The following MAX variants were observed in gnomAD, a reference collection of about 807,000 sequenced individuals.
The protein encoded by MAX is MYC associated transcriptional regulator X.
MAX carries 3 observed loss-of-function variants against 22.3 expected under a neutral mutation model. The observed-to-expected ratio is 0.13, with a 90% CI of 0.06 to 0.35. MAX has a LOEUF of 0.35. Ranked by LOEUF, MAX falls within the 10% of genes least tolerant of loss-of-function variation. MAX has a pLI of 1.00. For synonymous variants in MAX, 72 were observed against 77.7 expected (o/e 0.93, Z 0.39); for missense variants, 119 against 209.4 (o/e 0.57, Z 2.66).
chr14:65,027,385 A>G lies in MAX; in HGVS notation c.172-21101T>C, dbSNP rs1350762141. On this transcript the variant is annotated intron_variant, in intron 3 of 3. Transcript: ENST00000341653. This position sits in a 1 kb window ranked among gnomAD's most constrained non-coding sequence, Gnocchi z 5.7. ...GGATCATTGGAAAGGCCTGGAATCT[A>G]GTGGGAATTTGGTGTTTTGACATGA... 1 of 1,589,620 alleles carries G rather than the reference A, an allele frequency of 6.3e-7. No homozygotes were observed. Among genetic ancestry groups the G allele is most frequent in the East Asian group, 2.2e-5 (1 of 44,664 alleles).
rs1215885026 is a variant in MAX, at chr14:65,076,824, C to A, written c.296-161G>T. ...CTCCCTTCGGGTGGCTGTTCACTCA[C>A]ACACTTCATTTCCCTCCCGCCTTTC... On this transcript the variant is annotated intron_variant, in intron 4 of 4. Transcript: ENST00000358664. This position sits in a 1 kb window ranked among gnomAD's most constrained non-coding sequence, Gnocchi z 6.6. 5.2e-6 allele frequency: 4 copies of A among 764,114 alleles called. No homozygotes were observed. The African/African-American group carries it at 6.9e-5, about 13-fold the overall frequency. 47.3% of individuals were successfully genotyped at this position (764,114 alleles called of 1,614,324 possible). A position where few individuals can be genotyped will look rare whatever the true frequency, so the allele number is the denominator to read the frequency against.
At position 65,032,626 on chromosome 14, in the gene MAX, G is replaced by T; in HGVS notation, c.172-26342C>A. On this transcript the variant is annotated intron_variant, in intron 3 of 3. Transcript: ENST00000341653. This position sits in a 1 kb window ranked among gnomAD's most constrained non-coding sequence, Gnocchi z 5.0. ...TCTTTCCAGAAGCGCATACTGTGCT[G>T]CCTCCGTAGCCTCGCTGACCAACAT... 6.8e-6 allele frequency: 11 copies of T among 1,613,886 alleles called. No individual in the cohort carries two copies. The highest frequency in any genetic ancestry group is 9.3e-6 in the Non-Finnish European group (11 of 1,180,022).
chr14:65,036,186 A>G (rs2062188030), intron 3 of MAX, among the ~76,000 whole-genome samples: 1 of 152,136 alleles, frequency 6.6e-6, no homozygotes, highest in South Asian at 2.1e-4. Flanking sequence ...GCTCTGTGTC[A>G]TAGTTTCCTT....
chr14:65,096,788 G>C (rs1044190402), intron 2 of MAX, among the ~76,000 whole-genome samples: 1 of 152,160 alleles, frequency 6.6e-6, no homozygotes, highest in Admixed American at 6.5e-5. Flanking sequence ...ATGATGTTCA[G>C]TAATGAAAAC....
chr14:65,101,817 G>C, intron 1 of MAX: 1 of 572,380 alleles, frequency 1.7e-6, no homozygotes, highest in South Asian at 2.1e-5. Context: ...GAGGGGTCCC[G>C]AGCACTGTCT....
rs535034058 is a variant in MAX at position 65,083,373 on chromosome 14, A to G, written c.172-5337T>C. Among the ~76,000 whole-genome samples the G allele has an allele frequency of 9.8e-5, 15 of 152,374 alleles. No individual in the cohort carries two copies. In the East Asian group the frequency reaches 2.7e-3, roughly 27 times the overall value. ...GCACTGATGCTTCAGACGAAGTCCAAGGTTATTAAATCTCATTTAAAGCAA... is the reference window on the plus strand; with the variant it reads ...GCACTGATGCTTCAGACGAAGTCCAGGGTTATTAAATCTCATTTAAAGCAA... On this transcript the variant is annotated intron_variant, in intron 3 of 4. Transcript: ENST00000358664.
chr14:65,067,922 C>T (rs1267874905), intron 3 of MAX, among the ~76,000 whole-genome samples: 7 of 151,900 alleles, frequency 4.6e-5, no homozygotes, highest in Admixed American at 6.6e-5. Context: ...CATGAGCCAC[C>T]GTGCCCAGAC....
At position 65,027,510 on chromosome 14, in the gene MAX, CG is replaced by C; in HGVS notation, c.172-21227del. Reference sequence around the variant, plus strand: ...CAGAAGGTGGCTTTGGAGGAGGACCCGGTCAGTATCCACACCTTGCACCCAC... The same window carrying C: ...CAGAAGGTGGCTTTGGAGGAGGACCCGTCAGTATCCACACCTTGCACCCAC... On this transcript the variant is annotated intron_variant, in intron 3 of 3. Coordinates refer to the MAX transcript ENST00000341653. The surrounding 1 kb of genome is among the most constrained non-coding windows in gnomAD (Gnocchi z 5.7). The C allele has an allele frequency of 1.9e-6, 3 of 1,614,142 alleles. No homozygotes were observed. The highest frequency in any genetic ancestry group is 2.5e-6 in the Non-Finnish European group (3 of 1,180,032).
chr14:65,076,796 T>G lies in MAX; in HGVS notation c.296-133A>C. 2 of 1,014,134 alleles carry G rather than the reference T, an allele frequency of 2.0e-6. No individual in the cohort carries two copies. Among genetic ancestry groups the G allele is most frequent in the South Asian group, 1.3e-5 (1 of 76,436 alleles). 62.8% of individuals were successfully genotyped at this position (1,014,134 alleles called of 1,614,324 possible). A position where few individuals can be genotyped will look rare whatever the true frequency, so the allele number is the denominator to read the frequency against. On this transcript the variant is annotated intron_variant, in intron 4 of 4. Transcript: ENST00000358664. The surrounding 1 kb of genome is among the most constrained non-coding windows in gnomAD (Gnocchi z 6.6). ...CCCCGAGGCTCAAGATGCTCAGAAG[T>G]AGCTCCCTTCGGGTGGCTGTTCACT...
Position 65,061,291 on chromosome 14 carries a change from G to A in MAX, c.171+32417C>T, listed in dbSNP as rs1181202855. The A allele has an allele frequency of 2.5e-6, 4 of 1,613,930 alleles. No homozygotes were observed. The South Asian group carries it at 3.3e-5, about 13-fold the overall frequency. On this transcript the variant is annotated intron_variant, in intron 3 of 3. Transcript: ENST00000341653. ...TTGAGGAGCTTAAGGATGAGACATC[G>A]GCAGAGCCTGCAACCGACTAGAGGA...
rs1317422980 is a variant in MAX, at chr14:65,093,165, C to G, written c.171+543G>C. Among the ~76,000 whole-genome samples the G allele has an allele frequency of 6.6e-6, 1 of 152,178 alleles. No homozygotes were observed. The highest frequency in any genetic ancestry group is 1.5e-5 in the Non-Finnish European group (1 of 68,026). ...TTTTCTGTTTCACATGAACATGTCT[C>G]TTCACTCAAGTCTTTTGTCCCACAG... On this transcript the variant is annotated intron_variant, in intron 3 of 4. Coordinates refer to ENST00000358664, the MANE Select transcript of MAX (RefSeq NM_002382.5). This position sits in a 1 kb window ranked among gnomAD's most constrained non-coding sequence, Gnocchi z 4.4.
chr14:65,074,324 C>T (rs763649359), downstream of MAX, among the ~76,000 whole-genome samples: 4 of 152,182 alleles, frequency 2.6e-5, no homozygotes, highest in Non-Finnish European at 5.9e-5. Context: ...GCTTTCCCAG[C>T]ATTTTTCTTT....
chr14:65,033,282 T>C (rs1226480099), intron 3 of MAX, among the ~76,000 whole-genome samples: 1 of 152,240 alleles, frequency 6.6e-6, no homozygotes, highest in African/African-American at 2.4e-5. Context: ...TACTTAAAAT[T>C]TGAAACATGC....
Position 65,063,013 on chromosome 14 carries a change from G to A in MAX, c.171+30695C>T, listed in dbSNP as rs369961964. Among the ~76,000 whole-genome samples the A allele has an allele frequency of 2.3e-4, 35 of 152,350 alleles. No individual in the cohort carries two copies. The East Asian group carries it at 3.3e-3, about 14-fold the overall frequency. On this transcript the variant is annotated intron_variant, in intron 3 of 3. Coordinates refer to the MAX transcript ENST00000341653. ...GGGTGGATGTCTGGCCAGAGGCAGG[G>A]GCTGTCACAGGGACAGGCTGGAACT...
rs766318103 is a variant in MAX, at chr14:65,029,670, G to A, written c.172-23386C>T. Among the ~76,000 whole-genome samples the A allele has an allele frequency of 3.3e-5, 5 of 152,214 alleles. No individual in the cohort carries two copies. The highest frequency in any genetic ancestry group is 7.3e-5 in the Non-Finnish European group (5 of 68,038). ...GCAGAAGTTTGGTGAGAAAGCATGT[G>A]TTGCTCAAGAAAGGACAAGTTCAGT... On this transcript the variant is annotated intron_variant, in intron 3 of 3. Transcript: ENST00000341653. This position sits in a 1 kb window ranked among gnomAD's most constrained non-coding sequence, Gnocchi z 4.7.
chr14:65,088,076 TTG>T lies in MAX; in HGVS notation c.171+5630_171+5631del, dbSNP rs1439492224. On this transcript the variant is annotated intron_variant, in intron 3 of 4. Transcript: ENST00000358664. This position sits in a 1 kb window ranked among gnomAD's most constrained non-coding sequence, Gnocchi z 5.2. ...TTGCTCCTCCTTGCCTTCGCCATGATTGTGAGGCTTCCTTCCAGCCACGTGGA... is the reference window on the plus strand; with the variant it reads ...TTGCTCCTCCTTGCCTTCGCCATGATTGAGGCTTCCTTCCAGCCACGTGGA... 3.9e-5 allele frequency among the ~76,000 whole-genome samples: 6 copies of T among 152,192 alleles called. 1 individual carries two copies. The highest frequency in any genetic ancestry group is 3.9e-4 in the Admixed American group (6 of 15,274).
chr14:65,007,487 T>C lies in MAX; in HGVS notation c.172-1203A>G, dbSNP rs1297137054. ...CTGAAGTAGGCATTTGCCTATTCAG[T>C]GTTCCAGGGCCAAAGCTGAATAGCA... On this transcript the variant is annotated intron_variant, in intron 3 of 3. Transcript: ENST00000341653. This position sits in a 1 kb window ranked among gnomAD's most constrained non-coding sequence, Gnocchi z 4.9. 2.6e-5 allele frequency among the ~76,000 whole-genome samples: 4 copies of C among 152,178 alleles called. No individual in the cohort carries two copies. The highest frequency in any genetic ancestry group is 9.7e-5 in the African/African-American group (4 of 41,450).
chr14:65,078,251 G>C lies in MAX; in HGVS notation c.172-215C>G, dbSNP rs1312839470. ...AGTTTCGCTCTTGTTGCCCAAGCTGGAGTGCAACAGCGTGATCTTGGCTGA... is the reference window on the plus strand; with the variant it reads ...AGTTTCGCTCTTGTTGCCCAAGCTGCAGTGCAACAGCGTGATCTTGGCTGA... On this transcript the variant is annotated intron_variant, in intron 3 of 4. Coordinates refer to ENST00000358664, the MANE Select transcript of MAX (RefSeq NM_002382.5). This position sits in a 1 kb window ranked among gnomAD's most constrained non-coding sequence, Gnocchi z 6.4. Among the ~76,000 whole-genome samples the C allele has an allele frequency of 1.3e-5, 2 of 152,054 alleles. No individual in the cohort carries two copies. Among genetic ancestry groups the C allele is most frequent in the Admixed American group, 6.6e-5 (1 of 15,262 alleles).
Position 65,044,377 on chromosome 14 carries a change from G to A in MAX, c.172-38093C>T. On this transcript the variant is annotated intron_variant, in intron 3 of 3. Transcript: ENST00000341653. This position sits in a 1 kb window ranked among gnomAD's most constrained non-coding sequence, Gnocchi z 5.5. ...TCAGGGCCGCTGCAACAAGCTGGTG[G>A]ATGGCTGCTACTCCTTCTGGCAGGC... 1 of 1,613,494 alleles carries A rather than the reference G, an allele frequency of 6.2e-7. No homozygotes were observed. The highest frequency in any genetic ancestry group is 8.5e-7 in the Non-Finnish European group (1 of 1,179,826).
Sources: allele counts gnomAD v4.1 joint callset (sites outside exome capture counted in the v4.1 genomes callset), GRCh38; gene constraint gnomAD v4.1.1; non-coding constraint Gnocchi (gnomAD v3.1); transcripts MANE v1.5; gene names NCBI Gene and HGNC (gene_info 2026-07-23, HGNC 2026-07-21).